BICDL1: variants seen among roughly 807,000 people sequenced by gnomAD.
BICDL1 encodes the protein BICD family like cargo adaptor 1.
In BICDL1, 20 loss-of-function variants were observed where a neutral mutation model predicts 76.8. That is an observed-to-expected ratio of 0.26 (90% CI 0.18 to 0.38). The LOEUF (loss-of-function observed/expected upper bound fraction) is 0.38. Among genes scored for constraint, BICDL1 ranks in the 10% least tolerant of loss-of-function variants. The probability of loss-of-function intolerance (pLI) is 1.00; values close to 1 mark genes in which losing one functional copy is unlikely to be tolerated. For synonymous variants in BICDL1, 383 were observed against 337.1 expected, an observed-to-expected ratio of 1.14 and a Z score of -1.49; for missense variants, 700 against 798.6, an observed-to-expected ratio of 0.88 and a Z score of 1.49.
chr12:120,000,106 C>T (rs759824716), intron 2 of BICDL1, among the ~76,000 whole-genome samples: 5 of 151,630 alleles, frequency 3.3e-5, no homozygotes, highest in Non-Finnish European at 7.4e-5. Context: ...AGAAGTGCCA[C>T]CAATGGGGAA....
chr12:120,015,752 G>T (rs759391652), intron 2 of BICDL1, among the ~76,000 whole-genome samples: 1 of 152,198 alleles, frequency 6.6e-6, no homozygotes. Flanking sequence ...CCCACCCAGA[G>T]AATTATTTCA....
chr12:120,089,990 G>A lies in BICDL1; in HGVS notation c.1623G>A (p.Met541Ile), dbSNP rs779639023. 2.5e-6 allele frequency: 4 copies of A among 1,614,078 alleles called. No homozygotes were observed. The African/African-American group carries it at 4.0e-5, about 16-fold the overall frequency. The change falls in exon 9 of 10, where the codon ATG becomes ATA. Residue 541 changes from methionine to isoleucine, a missense_variant. Coordinates refer to ENST00000548673, the MANE Select transcript of BICDL1 (RefSeq NM_001367886.1). ...AGCTGGAACTTGCCAAGTGCAGGATGGATATGATGTCTCTGAACAGCCAGT... is the reference window on the plus strand; with the variant it reads ...AGCTGGAACTTGCCAAGTGCAGGATAGATATGATGTCTCTGAACAGCCAGT... ...AVELELAKCR[M>I]DMMSLNSQLL... is the part of the protein sequence containing the mutation.
At chr12:120,065,633 A>C (rs531232367) in intron 4 of BICDL1, among the ~76,000 whole-genome samples, 1 of 152,146 alleles carries the variant, frequency 6.6e-6, no homozygotes, top group Non-Finnish European at 1.5e-5. Context: ...CTAGGAGTGC[A>C]TTGCTTCCCT....
intron 2 of BICDL1, among the ~76,000 whole-genome samples, chr12:120,001,639 G>A (rs991832322): frequency 6.6e-6 from 1 of 152,100 alleles, no homozygotes; most frequent in African/African-American, 2.4e-5. Flanking sequence ...TGATACCTTC[G>A]TCCAGAGTTT....
intron 2 of BICDL1, among the ~76,000 whole-genome samples, chr12:120,023,719 G>A (rs918600054): frequency 8.6e-5 from 13 of 151,856 alleles, no homozygotes; most frequent in Admixed American, 6.6e-4. Flanking sequence ...GAGCCTGGGA[G>A]GCAGAGGTTG....
chr12:120,091,331 A>G, intron 9 of BICDL1: 1 of 1,011,480 alleles, frequency 9.9e-7, no homozygotes. Context: ...CGACCTGGAC[A>G]GACCTGATTG....
intron 2 of BICDL1, among the ~76,000 whole-genome samples, chr12:120,029,352 A>G (rs1371476354): frequency 1.3e-5 from 2 of 152,182 alleles, no homozygotes; most frequent in African/African-American, 4.8e-5. Flanking sequence ...TTCATTCTAT[A>G]GAACACAGTC....
At chr12:120,091,505 A>ATCCCTTATAAGGT in intron 9 of BICDL1, 1 of 985,604 alleles carries the variant, frequency 1.0e-6, no homozygotes, top group Non-Finnish European at 1.2e-6. Flanking sequence ...CATATACTAG[A>ATCCCTTATAAGGT]CCCTTATAAG....
intron 2 of BICDL1, among the ~76,000 whole-genome samples, chr12:120,055,885 A>G (rs1293877485): frequency 6.6e-6 from 1 of 152,240 alleles, no homozygotes; most frequent in Non-Finnish European, 1.5e-5. Context: ...CCTTGTTCAG[A>G]GTGAATGTGC....
intron 2 of BICDL1, among the ~76,000 whole-genome samples, chr12:120,057,975 C>T (rs1325451246): frequency 6.6e-6 from 1 of 152,032 alleles, no homozygotes; most frequent in Non-Finnish European, 1.5e-5. Flanking sequence ...GGACCACAGG[C>T]GCCCGCCACC....
chr12:120,003,139 C>A (rs1000041220), intron 2 of BICDL1, among the ~76,000 whole-genome samples: 3 of 133,432 alleles, frequency 2.2e-5, no homozygotes, highest in Non-Finnish European at 1.6e-5. Flanking sequence ...GCCTGGGCAA[C>A]AGAGCAAGAC....
In BICDL1 at chr12:120,064,817, G is replaced by A. The variant is rs376053943; in HGVS notation, c.847G>A (p.Val283Met). The stretch of plus-strand genomic sequence containing the variant: ...GGAAAATGACCTGCTCCAAGGGACC[G>A]TGGAGGAGCTACAGGACCGGGTGCT... Reference protein sequence around the residue: ...LEENDLLQGTVEELQDRVLIL... With the variant: ...LEENDLLQGTMEELQDRVLIL... Residue 283 changes from valine to methionine, a missense_variant, in exon 4 of 10, where the codon GTG becomes ATG. This residue lies in a region of BICDL1 where 455 missense variants were observed against 548.7 expected (regional missense o/e 0.83). Coordinates refer to ENST00000548673, the MANE Select transcript of BICDL1 (RefSeq NM_001367886.1). 45 of 1,613,664 alleles carry A rather than the reference G, an allele frequency of 2.8e-5. No individual in the cohort carries two copies. Among genetic ancestry groups the A allele is most frequent in the East Asian group, 6.7e-5 (3 of 44,794 alleles).
At chr12:120,037,983 A>AG (rs1952558828) in intron 2 of BICDL1, among the ~76,000 whole-genome samples, 1 of 152,216 alleles carries the variant, frequency 6.6e-6, no homozygotes, top group Non-Finnish European at 1.5e-5. Context: ...GCCTGCTCAG[A>AG]ACATTAAGCA....
chr12:120,023,747 AC>A (rs1219789462), intron 2 of BICDL1, among the ~76,000 whole-genome samples: 1 of 151,596 alleles, frequency 6.6e-6, no homozygotes, highest in Non-Finnish European at 1.5e-5. Context: ...CTGAGATCGT[AC>A]CACTGCACTC....
At chr12:120,036,670 G>C (rs1386354321) in intron 2 of BICDL1, among the ~76,000 whole-genome samples, 1 of 152,186 alleles carries the variant, frequency 6.6e-6, no homozygotes, top group African/African-American at 2.4e-5. Context: ...GAGGTCAGGA[G>C]TTCAAGACCA....
intron 7 of BICDL1, among the ~76,000 whole-genome samples, chr12:120,077,936 A>G (rs983971503): frequency 1.3e-5 from 2 of 152,154 alleles, no homozygotes; most frequent in African/African-American, 4.8e-5. Flanking sequence ...GTCTGGCTGC[A>G]TTCCAGCCGC....
At chr12:120,007,814 T>G (rs1189951893) in intron 2 of BICDL1, among the ~76,000 whole-genome samples, 2 of 152,234 alleles carry the variant, frequency 1.3e-5, no homozygotes, top group East Asian at 3.8e-4. Flanking sequence ...TCCATAAGTG[T>G]CACCACCACT....
intron 1 of BICDL1, among the ~76,000 whole-genome samples, chr12:119,991,843 A>C (rs1267410125): frequency 6.6e-6 from 1 of 152,204 alleles, no homozygotes; most frequent in Non-Finnish European, 1.5e-5. Flanking sequence ...TTTCTTCAAC[A>C]TAGGGCAAAG....
At chr12:120,091,771 T>C (rs916648312) in intron 9 of BICDL1, 4 of 985,096 alleles carry the variant, frequency 4.1e-6, no homozygotes, top group Non-Finnish European at 4.8e-6. Flanking sequence ...TGCAGAGATA[T>C]TAGAATGACA....
Sources: allele counts gnomAD v4.1 joint callset (sites outside exome capture counted in the v4.1 genomes callset), GRCh38; gene constraint gnomAD v4.1.1; regional missense constraint gnomAD v4.1.1; transcripts MANE v1.5; gene names NCBI Gene and HGNC (gene_info 2026-07-23, HGNC 2026-07-21).